PTPRD: variants seen among roughly 807,000 people sequenced by gnomAD.
PTPRD encodes the protein protein tyrosine phosphatase receptor type D.
PTPRD carries 34 observed loss-of-function variants against 214.5 expected under a neutral mutation model. The observed-to-expected ratio is 0.16, with a 90% CI of 0.12 to 0.21. The LOEUF is 0.21. Ranked by LOEUF, PTPRD falls within the 10% of genes least tolerant of loss-of-function variation. The pLI is 1.00. For synonymous variants in PTPRD, 1,128 were observed against 845.7 expected, an observed-to-expected ratio of 1.33 and a Z score of -5.79; for missense variants, 2,545 against 2,398.7, an observed-to-expected ratio of 1.06 and a Z score of -1.27.
At chr9:9,387,645 G>A (rs976121412) in intron 9 of PTPRD, among the ~76,000 whole-genome samples, 1 of 152,018 alleles carries the variant, frequency 6.6e-6, no homozygotes, top group Non-Finnish European at 1.5e-5. Flanking sequence ...ACACTTCAGA[G>A]GCACTTCTGA....
At chr9:9,071,108 T>G (rs2099743072) in intron 10 of PTPRD, among the ~76,000 whole-genome samples, 1 of 152,048 alleles carries the variant, frequency 6.6e-6, no homozygotes, top group Non-Finnish European at 1.5e-5. Flanking sequence ...AGAGACAGGG[T>G]CTCCCTATGT....
At chr9:9,399,842 T>C (rs2069500221) in intron 8 of PTPRD, among the ~76,000 whole-genome samples, 1 of 152,054 alleles carries the variant, frequency 6.6e-6, no homozygotes, top group African/African-American at 2.4e-5. Flanking sequence ...CAATTAAACA[T>C]CTTTCCTTTG....
At chr9:8,793,157 T>A (rs1293371576) in intron 11 of PTPRD, among the ~76,000 whole-genome samples, 1 of 152,242 alleles carries the variant, frequency 6.6e-6, no homozygotes, top group African/African-American at 2.4e-5. Context: ...AGCCCTGTCA[T>A]TGTAACAGGG....
intron 21 of PTPRD, 33 bp from the exon 22 acceptor site, chr9:8,507,467 A>T (rs1314327204): frequency 5.0e-6 from 8 of 1,612,852 alleles, no homozygotes; most frequent in South Asian, 1.1e-5. Flanking sequence ...TTGAACTCAC[A>T]ATCACCAGGA....
intron 3 of PTPRD, among the ~76,000 whole-genome samples, chr9:10,323,863 C>T (rs1324186095): frequency 1.3e-5 from 2 of 151,882 alleles, no homozygotes; most frequent in Non-Finnish European, 2.9e-5. Flanking sequence ...GTGATCAGAA[C>T]AGCTACTCAG....
At chr9:9,323,480 G>A (rs951797444) in intron 9 of PTPRD, among the ~76,000 whole-genome samples, 6 of 152,104 alleles carry the variant, frequency 3.9e-5, no homozygotes, top group African/African-American at 1.2e-4. Context: ...CGACCAGGTC[G>A]TCTAACTCCA....
intron 4 of PTPRD, among the ~76,000 whole-genome samples, chr9:10,007,161 A>G (rs963212434): frequency 6.6e-6 from 1 of 152,014 alleles, no homozygotes; most frequent in Non-Finnish European, 1.5e-5. Context: ...GATATGGTCC[A>G]GGATTCAAAT....
At chr9:9,356,688 A>G (rs964218426) in intron 9 of PTPRD, among the ~76,000 whole-genome samples, 1 of 151,478 alleles carries the variant, frequency 6.6e-6, no homozygotes, top group Non-Finnish European at 1.5e-5. Context: ...ATAGTTCAAG[A>G]GTCAGAAGAC....
At chr9:8,340,607 G>C in intron 41 of PTPRD, 138 bp from the exon 42 acceptor site, 4 of 846,308 alleles carry the variant, frequency 4.7e-6, no homozygotes, top group Non-Finnish European at 6.6e-6. Flanking sequence ...TTCCTGCTAA[G>C]ATTAAATAAT....
chr9:8,369,972 T>C (rs1249381172), intron 39 of PTPRD, among the ~76,000 whole-genome samples: 3 of 152,010 alleles, frequency 2.0e-5, no homozygotes, highest in Non-Finnish European at 4.4e-5. Flanking sequence ...AATATGTGGT[T>C]TAGAATAAAG....
intron 9 of PTPRD, among the ~76,000 whole-genome samples, chr9:9,310,150 A>T (rs141901240): frequency 6.6e-6 from 1 of 152,182 alleles, no homozygotes; most frequent in Non-Finnish European, 1.5e-5. Flanking sequence ...GCAAGGTCAC[A>T]TAGGTCGTTA....
intron 3 of PTPRD, among the ~76,000 whole-genome samples, chr9:10,136,630 A>T (rs960583729): frequency 2.3e-5 from 2 of 86,262 alleles, no homozygotes; most frequent in South Asian, 1.1e-3. Flanking sequence ...CATTCAGGAC[A>T]TAGGCGTGGG....
At chr9:8,551,173 T>C (rs373952105) in intron 14 of PTPRD, among the ~76,000 whole-genome samples, 3 of 152,232 alleles carry the variant, frequency 2.0e-5, no homozygotes, top group East Asian at 3.8e-4. Flanking sequence ...TAATAACTGG[T>C]AATCCCTTCC....
chr9:9,774,374 A>C (rs2098779279), intron 5 of PTPRD, among the ~76,000 whole-genome samples: 1 of 152,218 alleles, frequency 6.6e-6, no homozygotes, highest in African/African-American at 2.4e-5. Flanking sequence ...ACAACAGTGC[A>C]CTGGTGAAAG....
chr9:10,324,297 C>G (rs56040585), intron 3 of PTPRD, among the ~76,000 whole-genome samples: 2 of 151,926 alleles, frequency 1.3e-5, no homozygotes, highest in Admixed American at 1.3e-4. Flanking sequence ...CAAATAGTAT[C>G]AATGCAGATA....
chr9:10,480,193 A>G (rs888164554), intron 2 of PTPRD, among the ~76,000 whole-genome samples: 1 of 152,214 alleles, frequency 6.6e-6, no homozygotes, highest in African/African-American at 2.4e-5. Flanking sequence ...ATGATGTCCT[A>G]TTCTCGGCCC....
Position 8,331,575 on chromosome 9 carries a change from A to AACTTACCATT in PTPRD, c.5534+6_5534+7insAATGGTAAGT. On this transcript the variant is annotated splice_region_variant and intron_variant, in intron 44 of 45. Coordinates refer to ENST00000381196, the MANE Select transcript of PTPRD (RefSeq NM_002839.4). ...TATCACTGCTTTATTCACAAATGGA[A>AACTTACCATT]ACTTACCTGCAATGGACTGAAATGG... 6.6e-7 allele frequency: 1 copy of AACTTACCATT among 1,509,576 alleles called. No individual in the cohort carries two copies. The highest frequency in any genetic ancestry group is 2.4e-5 in the East Asian group (1 of 41,054). The allele number at this position is 1,509,576 out of a possible 1,614,324, so 93.5% of individuals were successfully genotyped here.
intron 2 of PTPRD, among the ~76,000 whole-genome samples, chr9:10,569,646 T>C (rs900020465): frequency 2.0e-5 from 3 of 152,092 alleles, no homozygotes; most frequent in African/African-American, 4.8e-5. Context: ...TGTAATTCAT[T>C]ATAACATTTT....
At chr9:10,152,916 CAGAG>C (rs901422400) in intron 3 of PTPRD, among the ~76,000 whole-genome samples, 8 of 151,896 alleles carry the variant, frequency 5.3e-5, no homozygotes, top group African/African-American at 9.7e-5. Flanking sequence ...ATATGCCAGT[CAGAG>C]AAAGACAAAT....
Sources: gnomAD v4.1 joint callset for allele counts (sites outside exome capture counted in the v4.1 genomes callset) on GRCh38, gnomAD v4.1.1 for gene constraint, MANE v1.5 for transcripts, NCBI Gene and HGNC (gene_info 2026-07-23, HGNC 2026-07-21) for gene names.